Variants in SPHKAP observed in about 807,000 individuals in gnomAD.
SPHKAP encodes SPHK1 interactor, AKAP domain containing.
Under a neutral mutation model 137.5 loss-of-function variants are expected in SPHKAP, and 67 were observed. The ratio of observed to expected loss-of-function variants is 0.49; its 90% CI spans 0.40 to 0.60. SPHKAP has a LOEUF of 0.60. Ranked by LOEUF, SPHKAP falls within the 20% of genes least tolerant of loss-of-function variation. The pLI, the probability that SPHKAP is intolerant of heterozygous loss-of-function variation, is 0.00. For synonymous variants in SPHKAP, 813 were observed against 785.3 expected (o/e 1.04, Z -0.59); for missense variants, 2,097 against 2,069.3 (o/e 1.01, Z -0.26).
chr2:228,144,365 C>T (rs1034768953), intron 1 of SPHKAP, among the ~76,000 whole-genome samples: 15 of 151,932 alleles, frequency 9.9e-5, no homozygotes, highest in African/African-American at 3.6e-4. Flanking sequence ...TTTGGTTTTC[C>T]ACGATGTAGT....
At chr2:228,145,452 G>A (rs946271439) in intron 1 of SPHKAP, among the ~76,000 whole-genome samples, 1 of 152,072 alleles carries the variant, frequency 6.6e-6, no homozygotes, top group African/African-American at 2.4e-5. Context: ...GTTGAAATTG[G>A]ATTAAAGAAT....
chr2:228,176,558 A>T (rs1247239215), intron 1 of SPHKAP, among the ~76,000 whole-genome samples: 2 of 152,222 alleles, frequency 1.3e-5, no homozygotes, highest in African/African-American at 4.8e-5. Context: ...ATTTCAGAAC[A>T]GGACTAAGCA....
intron 1 of SPHKAP, among the ~76,000 whole-genome samples, chr2:228,177,256 C>A (rs1700772066): frequency 6.6e-6 from 1 of 151,692 alleles, no homozygotes; most frequent in South Asian, 2.1e-4. Flanking sequence ...CAACTATCCA[C>A]AACCCAGCAA....
rs537288477 is a variant in SPHKAP at position 228,093,797 on chromosome 2, T to C, written c.246+15035A>G. ...CGTTTGAACCCGGGAGGCGGAGAGG[T>C]TGCAGTGAGCCGAGATCACTCCATT... On this transcript the variant is annotated intron_variant, in intron 3 of 11. Transcript: ENST00000392056. 1.3e-4 allele frequency among the ~76,000 whole-genome samples: 17 copies of C among 133,464 alleles called. No individual in the cohort carries two copies. The East Asian group carries it at 3.8e-3, about 30-fold the overall frequency. 87.6% of individuals were successfully genotyped at this position (133,464 alleles called of 152,430 possible).
chr2:228,082,805 C>T (rs1485076845), intron 3 of SPHKAP, among the ~76,000 whole-genome samples: 1 of 151,350 alleles, frequency 6.6e-6, no homozygotes, highest in Non-Finnish European at 1.5e-5. Context: ...GAGATGCTGT[C>T]GGAATTAATG....
At chr2:228,152,240 C>A (rs2106400658) in intron 1 of SPHKAP, among the ~76,000 whole-genome samples, 1 of 152,248 alleles carries the variant, frequency 6.6e-6, no homozygotes, top group Non-Finnish European at 1.5e-5. Context: ...ATATACAAAT[C>A]TTCAAAGTTC....
intron 2 of SPHKAP, among the ~76,000 whole-genome samples, chr2:228,110,893 T>C (rs1429959578): frequency 6.6e-6 from 1 of 152,142 alleles, no homozygotes; most frequent in African/African-American, 2.4e-5. Flanking sequence ...ATTTTAAAAT[T>C]ATTTTGTCAA....
Position 228,025,413 on chromosome 2 carries a change from G to T in SPHKAP, c.422C>A (p.Ala141Glu), listed in dbSNP as rs752413575. 3.1e-6 allele frequency: 5 copies of T among 1,613,654 alleles called. No homozygotes were observed. In the East Asian group the frequency reaches 6.7e-5, roughly 22 times the overall value. Residue 141 changes from alanine (A) to glutamate (E), a missense_variant, in exon 5 of 12, where the codon GCA becomes GAA. Coordinates refer to ENST00000392056, the MANE Select transcript of SPHKAP (RefSeq NM_001142644.2). ...LSGLASGNLQ[A>E]DFEVSQCPWL... ...TCTTACCTGTGAAACTTCAAAATCT[G>T]CCTGGAGATTTCCAGAGGCTAACCC...
chr2:228,131,367 G>A lies in SPHKAP; in HGVS notation c.138+613C>T, dbSNP rs564571222. On this transcript the variant is annotated intron_variant, in intron 2 of 11. Coordinates refer to ENST00000392056, the MANE Select transcript of SPHKAP (RefSeq NM_001142644.2). ...AAGCATTAGATGGGGAACCAGGATC[G>A]TGGACATTCTACTTCAAGTTTTGGG... The A allele has an allele frequency of 3.7e-5, 34 of 927,244 alleles. No individual in the cohort carries two copies. In the East Asian group the frequency reaches 2.5e-3, roughly 67 times the overall value. The allele number at this position is 927,244 out of a possible 1,614,324, so 57.4% of individuals were successfully genotyped here.
At chr2:228,008,236 A>C (rs1694216169) in intron 7 of SPHKAP, among the ~76,000 whole-genome samples, 1 of 151,820 alleles carries the variant, frequency 6.6e-6, no homozygotes, top group Non-Finnish European at 1.5e-5. Flanking sequence ...GTGTATCAAA[A>C]ATGTCATTGC....
At chr2:227,990,437 G>T (rs912834303) in intron 11 of SPHKAP, among the ~76,000 whole-genome samples, 1 of 152,160 alleles carries the variant, frequency 6.6e-6, no homozygotes, top group South Asian at 2.1e-4. Flanking sequence ...AGATTCTACC[G>T]CAGTTAATGG....
chr2:228,170,159 CATG>C (rs1026355526), intron 1 of SPHKAP, among the ~76,000 whole-genome samples: 37 of 152,176 alleles, frequency 2.4e-4, no homozygotes, highest in Admixed American at 2.2e-3. Context: ...GCTGCAATCT[CATG>C]ATAAAACTTG....
intron 3 of SPHKAP, among the ~76,000 whole-genome samples, chr2:228,101,468 T>A (rs1037547889): frequency 1.3e-5 from 2 of 152,228 alleles, no homozygotes; most frequent in African/African-American, 4.8e-5. Flanking sequence ...AAAGTTTATT[T>A]CACTATTCCT....
intron 2 of SPHKAP, among the ~76,000 whole-genome samples, chr2:228,115,819 T>C (rs1698692540): frequency 6.6e-6 from 1 of 152,040 alleles, no homozygotes; most frequent in African/African-American, 2.4e-5. Context: ...TCTTCCTCTC[T>C]CCCCACCCAC....
intron 3 of SPHKAP, among the ~76,000 whole-genome samples, chr2:228,079,860 G>A (rs1697304802): frequency 6.6e-6 from 1 of 152,154 alleles, no homozygotes; most frequent in Non-Finnish European, 1.5e-5. Context: ...GCTGATTCAG[G>A]CACAGGCCAG....
chr2:228,092,278 T>C lies in SPHKAP; in HGVS notation c.246+16554A>G, dbSNP rs1332297890. On this transcript the variant is annotated intron_variant, in intron 3 of 11. Transcript: ENST00000392056. ...GTGTGTATACGTACACACACACGTG[T>C]ATGTGCGTGTATACGTGCACACACA... 2.1e-5 allele frequency among the ~76,000 whole-genome samples: 3 copies of C among 143,940 alleles called. No individual in the cohort carries two copies. The East Asian group carries it at 6.2e-4, about 30-fold the overall frequency. 94.4% of individuals were successfully genotyped at this position (143,940 alleles called of 152,430 possible). A position where few individuals can be genotyped will look rare whatever the true frequency, so the allele number is the denominator to read the frequency against.
At chr2:228,128,101 T>C (rs540370112) in intron 2 of SPHKAP, among the ~76,000 whole-genome samples, 11 of 152,314 alleles carry the variant, frequency 7.2e-5, no homozygotes, top group Admixed American at 4.6e-4. Flanking sequence ...AAGACAACAA[T>C]GAACGTCGCC....
rs1698422110 is a variant in SPHKAP at position 228,108,836 on chromosome 2, G to A, written c.242C>T (p.Ala81Val). The A allele has an allele frequency of 6.2e-7, 1 of 1,605,174 alleles. No homozygotes were observed. The highest frequency in any genetic ancestry group is 8.5e-7 in the Non-Finnish European group (1 of 1,176,738). ...GFVEDKSENC[A>V]SVCFVNLDVN... ...CCAAGAATTCTGTGTACTTACAGAA[G>A]CACAGTTTTCAGACTTGTCTTCTAC... is the stretch of plus-strand genomic sequence containing the variant. Residue 81 changes from alanine to valine, a missense_variant, in exon 3 of 12, where the codon GCT becomes GTT. By Grantham distance (64) the Ala-to-Val change is moderately conservative. Transcript: ENST00000392056.
chr2:228,088,261 T>G (rs1277014055), intron 3 of SPHKAP, among the ~76,000 whole-genome samples: 3 of 152,182 alleles, frequency 2.0e-5, no homozygotes, highest in Non-Finnish European at 4.4e-5. Flanking sequence ...GGAATATATA[T>G]AGATGTAGTA....
Sources: gnomAD v4.1 joint callset for allele counts (sites outside exome capture counted in the v4.1 genomes callset) on GRCh38, gnomAD v4.1.1 for gene constraint, MANE v1.5 for transcripts, NCBI Gene and HGNC (gene_info 2026-07-23, HGNC 2026-07-21) for gene names.